LAMA4: variants seen among roughly 807,000 people sequenced by gnomAD.
LAMA4 encodes laminin subunit alpha 4.
Under a neutral mutation model 207.1 loss-of-function variants are expected in LAMA4, and 127 were observed. The ratio of observed to expected loss-of-function variants is 0.61; its 90% CI spans 0.53 to 0.71. The LOEUF (loss-of-function observed/expected upper bound fraction) is 0.71, where lower values mean the gene tolerates loss of function less well. LAMA4 is among the 30% of genes least tolerant of loss of function. The pLI, the probability that LAMA4 is intolerant of heterozygous loss-of-function variation, is 0.00. For missense variants in LAMA4, 2,093 were observed against 2,246.5 expected (o/e 0.93, Z 1.38); for synonymous variants, 761 against 816.0 (o/e 0.93, Z 1.15).
chr6:112,120,277 A>G lies in LAMA4; in HGVS notation c.4665+6T>C, dbSNP rs1778270384. 3.1e-6 allele frequency: 5 copies of G among 1,612,564 alleles called. No homozygotes were observed. Among genetic ancestry groups the G allele is most frequent in the South Asian group, 2.2e-5 (2 of 91,008 alleles). ...CTGGTAATGCTGTTCTCTGCCTTCAACTTACATCATGCCACAGGCCATCAT... is the reference window on the plus strand; with the variant it reads ...CTGGTAATGCTGTTCTCTGCCTTCAGCTTACATCATGCCACAGGCCATCAT... On this transcript the variant is annotated splice_donor_region_variant and intron_variant, in intron 33 of 38. Transcript: ENST00000230538.
At chr6:112,115,632 T>C (rs587671961) in intron 36 of LAMA4, among the ~76,000 whole-genome samples, 1 of 152,176 alleles carries the variant, frequency 6.6e-6, no homozygotes, top group African/African-American at 2.4e-5. Context: ...TTATTAGTGA[T>C]TTTTTTGATA....
intron 11 of LAMA4, among the ~76,000 whole-genome samples, chr6:112,174,761 G>A (rs1781923880): frequency 6.6e-6 from 1 of 152,224 alleles, no homozygotes; most frequent in African/African-American, 2.4e-5. Flanking sequence ...AAAGTGCTGG[G>A]ATTACAGGCA....
chr6:112,119,108 C>T (rs201221521), intron 34 of LAMA4, 48 bp downstream of exon 34: 1 of 1,594,202 alleles, frequency 6.3e-7, no homozygotes, highest in Middle Eastern at 1.9e-4. Context: ...ATTAGATGAT[C>T]TTCTGGCTCT....
At chr6:112,148,091 A>G in intron 18 of LAMA4, 66 bp downstream of exon 18, 1 of 1,461,496 alleles carries the variant, frequency 6.8e-7, no homozygotes, top group Non-Finnish European at 9.6e-7. Context: ...TTTTTGACAA[A>G]AGATGTATAG....
intron 29 of LAMA4, 186 bp from the exon 30 acceptor site, chr6:112,130,226 A>T: frequency 1.7e-6 from 1 of 601,126 alleles, no homozygotes. Flanking sequence ...TATGCAAAAA[A>T]GATCCTCCAA....
rs1341828711 is a variant in LAMA4, at chr6:112,254,017, TG to T, written c.133del (p.Gln45LysfsTer153). ...DIEGSSAVGR[Q>X]DPPETSEPRV... ...GGGTTCGCTCGTCTCAGGCGGGTCT[TG>T]CCTGCCAACCGCTGAGCTCCCTTCA... is the stretch of plus-strand genomic sequence containing the variant. On this transcript the variant is annotated frameshift_variant, in exon 2 of 39. Coordinates refer to ENST00000230538, the MANE Select transcript of LAMA4 (RefSeq NM_001105206.3). LOFTEE classifies it high-confidence loss of function. The T allele has an allele frequency of 3.3e-5, 52 of 1,590,196 alleles. No homozygotes were observed. Among genetic ancestry groups the T allele is most frequent in the Non-Finnish European group, 4.4e-5 (51 of 1,167,852 alleles).
intron 18 of LAMA4, 106 bp downstream of exon 18, chr6:112,148,051 C>T (rs898697089): frequency 1.9e-5 from 20 of 1,076,154 alleles, no homozygotes; most frequent in South Asian, 1.9e-4. Flanking sequence ...CTATAATTTT[C>T]GAATCCAAAA....
intron 15 of LAMA4, 46 bp from the exon 16 acceptor site, chr6:112,154,993 A>G: frequency 4.8e-6 from 6 of 1,257,636 alleles, no homozygotes; most frequent in Non-Finnish European, 7.0e-6. Flanking sequence ...AGCAGAAGAA[A>G]TCAGCTATTC....
At chr6:112,201,473 G>T in intron 5 of LAMA4, 135 bp downstream of exon 5, 1 of 818,086 alleles carries the variant, frequency 1.2e-6, no homozygotes, top group Non-Finnish European at 2.2e-6. Flanking sequence ...AAGGGGTTTT[G>T]AAATGCAGTC....
At chr6:112,185,427 G>A in intron 8 of LAMA4, 80 bp from the exon 9 acceptor site, 2 of 844,602 alleles carry the variant, frequency 2.4e-6, no homozygotes, top group African/African-American at 1.7e-5. Flanking sequence ...TTCAGTGTAA[G>A]AGGACTCAGA....
At chr6:112,240,545 C>T (rs1266712764) in intron 2 of LAMA4, among the ~76,000 whole-genome samples, 3 of 152,200 alleles carry the variant, frequency 2.0e-5, no homozygotes, top group Non-Finnish European at 4.4e-5. Flanking sequence ...CTCCACCAAC[C>T]CCCTACTACC....
chr6:112,130,167 G>T, intron 29 of LAMA4, 127 bp from the exon 30 acceptor site: 1 of 772,334 alleles, frequency 1.3e-6, no homozygotes. Flanking sequence ...AAGACAGCGA[G>T]TTGCCAAACT....
chr6:112,240,293 A>T lies in LAMA4; in HGVS notation c.195+13663T>A, dbSNP rs569345888. On this transcript the variant is annotated intron_variant, in intron 2 of 38. Coordinates refer to ENST00000230538, the MANE Select transcript of LAMA4 (RefSeq NM_001105206.3). Reference sequence around the variant, plus strand: ...ATTGTTGTGGGTAAATAGTAGGTGTATATATTTATGTGGTATGTGAGATGT... The same window carrying T: ...ATTGTTGTGGGTAAATAGTAGGTGTTTATATTTATGTGGTATGTGAGATGT... Among the ~76,000 whole-genome samples the T allele has an allele frequency of 1.2e-4, 18 of 152,052 alleles. No individual in the cohort carries two copies. In the East Asian group the frequency reaches 3.3e-3, roughly 28 times the overall value.
At chr6:112,231,020 A>G (rs1785528416) in intron 2 of LAMA4, among the ~76,000 whole-genome samples, 1 of 152,216 alleles carries the variant, frequency 6.6e-6, no homozygotes, top group Admixed American at 6.5e-5. Context: ...GAAGAAGAAA[A>G]TGATGCTGGA....
chr6:112,235,599 C>A (rs1785860937), intron 2 of LAMA4, among the ~76,000 whole-genome samples: 1 of 152,118 alleles, frequency 6.6e-6, no homozygotes, highest in Admixed American at 6.5e-5. Context: ...GGAGGAATAC[C>A]AGACATGATA....
At chr6:112,150,745 T>C in intron 16 of LAMA4, 118 bp from the exon 17 acceptor site, 1 of 769,244 alleles carries the variant, frequency 1.3e-6, no homozygotes, top group Non-Finnish European at 2.3e-6. Flanking sequence ...TTTGCAGTAT[T>C]CTGAATACTC....
chr6:112,155,207 C>A, intron 15 of LAMA4: 1 of 582,134 alleles, frequency 1.7e-6, no homozygotes, highest in Non-Finnish European at 3.0e-6. Context: ...AAAGTGCTTG[C>A]CACATAGAAG....
chr6:112,130,300 T>TGTGTGTGTGTGTGTGTGTGTGTG (rs59700559), intron 29 of LAMA4: 18 of 382,230 alleles, frequency 4.7e-5, no homozygotes, highest in African/African-American at 3.6e-4. Flanking sequence ...AGCATTATTT[T>TGTGTGTGTGTGTGTGTGTGTGTG]TGTGTGTGTG....
At chr6:112,240,503 A>AT (rs1786332777) in intron 2 of LAMA4, among the ~76,000 whole-genome samples, 1 of 152,040 alleles carries the variant, frequency 6.6e-6, no homozygotes, top group South Asian at 2.1e-4. Context: ...CATGCTTTCT[A>AT]TTTTTTGTGT....
Sources: allele counts gnomAD v4.1 joint callset (sites outside exome capture counted in the v4.1 genomes callset), GRCh38; gene constraint gnomAD v4.1.1; transcripts MANE v1.5; gene names NCBI Gene and HGNC (gene_info 2026-07-23, HGNC 2026-07-21).